TBCK: variants seen among roughly 807,000 people sequenced by gnomAD.
The protein encoded by TBCK is TBC domain-containing protein kinase-like protein.
Under a neutral mutation model 113.4 loss-of-function variants are expected in TBCK, and 99 were observed. The observed-to-expected ratio is 0.87, with a 90% confidence interval of 0.74 to 1.03. The LOEUF is 1.03. Ranked by LOEUF, TBCK falls within the 50% of genes least tolerant of loss-of-function variation. The pLI, the probability that TBCK is intolerant of heterozygous loss-of-function variation, is 0.00. For missense variants in TBCK, 1,045 were observed against 1,061.3 expected, an observed-to-expected ratio of 0.98 and a Z score of 0.21; for synonymous variants, 369 against 370.8, an observed-to-expected ratio of 1.00 and a Z score of 0.05.
rs186785291 is a variant in TBCK at position 106,069,729 on chromosome 4, C to T, written c.2572-23049G>A. ...GATGGCATTGAATCTATAAATTACC[C>T]TGGGCAGTATGGCCATTTTCACGAT... On this transcript the variant is annotated intron_variant, in intron 25 of 25. Transcript: ENST00000394708. Among the ~76,000 whole-genome samples, 10 of 152,220 alleles carry T rather than the reference C, an allele frequency of 6.6e-5. No homozygotes were observed. The East Asian group carries it at 1.5e-3, about 24-fold the overall frequency.
intron 12 of TBCK, among the ~76,000 whole-genome samples, chr4:106,241,147 C>CAT (rs908683661): frequency 2.3e-4 from 35 of 150,370 alleles, no homozygotes; most frequent in African/African-American, 3.9e-4. Flanking sequence ...CTCATACTTA[C>CAT]ATATATATAT....
At chr4:106,145,217 C>T (rs1330473179) in intron 23 of TBCK, among the ~76,000 whole-genome samples, 1 of 151,610 alleles carries the variant, frequency 6.6e-6, no homozygotes, top group Non-Finnish European at 1.5e-5. Flanking sequence ...ACTTGTGAGG[C>T]TGAGGCAGGA....
At position 106,041,847 on chromosome 4, in the gene TBCK, A is replaced by G. The variant is rs1278653293; in HGVS notation, c.*4723T>C. 6.6e-6 allele frequency: 1 copy of G among 152,236 alleles called. No homozygotes were observed. Among genetic ancestry groups the G allele is most frequent in the East Asian group, 1.9e-4 (1 of 5,198 alleles). 9.4% of individuals were successfully genotyped at this position (152,236 alleles called of 1,614,324 possible). ...AGTTTTCATGTTACAAGCACCTATC[A>G]TAAGGCATTAACAGGAAAATTACTC... On this transcript the variant is annotated 3_prime_UTR_variant, in exon 26 of 26. Coordinates refer to ENST00000394708, the MANE Select transcript of TBCK (RefSeq NM_001163435.3).
chr4:106,043,842 T>C lies in TBCK; in HGVS notation c.*2728A>G, dbSNP rs956293068. The C allele has an allele frequency of 6.6e-6, 1 of 152,012 alleles. No homozygotes were observed. Among genetic ancestry groups the C allele is most frequent in the African/African-American group, 2.4e-5 (1 of 41,450 alleles). 9.4% of individuals were successfully genotyped at this position (152,012 alleles called of 1,614,324 possible). On this transcript the variant is annotated 3_prime_UTR_variant, in exon 26 of 26. Coordinates refer to ENST00000394708, the MANE Select transcript of TBCK (RefSeq NM_001163435.3). ...AGTGCTGATAGTCATCGTGTAGGAATCAATAATACATTAAAAAGGAACTCA... is the reference window on the plus strand; with the variant it reads ...AGTGCTGATAGTCATCGTGTAGGAACCAATAATACATTAAAAAGGAACTCA...
intron 25 of TBCK, among the ~76,000 whole-genome samples, chr4:106,054,452 C>G (rs889908242): frequency 4.6e-5 from 7 of 151,666 alleles, no homozygotes; most frequent in Non-Finnish European, 7.4e-5. Flanking sequence ...CCACTAATCA[C>G]TCTACAAAGA....
rs1170120298 is a variant in TBCK, at chr4:106,044,962, G to T, written c.*1608C>A. ...GTTATAGATGAATGAACACTTTTTA[G>T]TTAAAACAAAATTGAAGATAATTAA... On this transcript the variant is annotated 3_prime_UTR_variant, in exon 26 of 26. Coordinates refer to ENST00000394708, the MANE Select transcript of TBCK (RefSeq NM_001163435.3). 1 of 151,484 alleles carries T rather than the reference G, an allele frequency of 6.6e-6. No homozygotes were observed. The highest frequency in any genetic ancestry group is 1.5e-5 in the Non-Finnish European group (1 of 67,912). The allele number at this position is 151,484 out of a possible 1,614,324, so 9.4% of individuals were successfully genotyped here.
chr4:106,208,946 C>T (rs1755833372), intron 20 of TBCK, among the ~76,000 whole-genome samples: 2 of 152,182 alleles, frequency 1.3e-5, no homozygotes, highest in African/African-American at 4.8e-5. Flanking sequence ...ATGCCTGGCT[C>T]AGCCGCAGAG....
At chr4:106,166,828 TTAATACAAAA>T (rs1166712773) in intron 23 of TBCK, among the ~76,000 whole-genome samples, 2 of 151,378 alleles carry the variant, frequency 1.3e-5, no homozygotes, top group Non-Finnish European at 3.0e-5. Context: ...TAATCCCAAA[TTAATACAAAA>T]TAAGCATTTG....
chr4:106,109,018 TACACACACACACAC>T (rs112164356), intron 24 of TBCK, among the ~76,000 whole-genome samples: 3 of 140,518 alleles, frequency 2.1e-5, no homozygotes, highest in Non-Finnish European at 3.2e-5. Flanking sequence ...GACACACACA[TACACACACACACAC>T]ACACACACAC....
At chr4:106,298,055 A>G (rs1014811664) in intron 2 of TBCK, among the ~76,000 whole-genome samples, 5 of 152,092 alleles carry the variant, frequency 3.3e-5, no homozygotes, top group African/African-American at 1.2e-4. Flanking sequence ...CATCCCCCCA[A>G]CATCGATTTG....
At chr4:106,248,767 C>A (rs1490678800) in intron 8 of TBCK, among the ~76,000 whole-genome samples, 154 bp downstream of exon 8, 5 of 152,172 alleles carry the variant, frequency 3.3e-5, no homozygotes, top group African/African-American at 1.2e-4. Context: ...AGACTGCAGC[C>A]CTCACCAGAC....
At chr4:106,191,721 GATTA>G (rs1753690711) in intron 22 of TBCK, among the ~76,000 whole-genome samples, 2 of 152,136 alleles carry the variant, frequency 1.3e-5, no homozygotes, top group African/African-American at 2.4e-5. Flanking sequence ...AAGCAAAACA[GATTA>G]ATTATTTCAT....
At chr4:106,128,972 A>T (rs1482940900) in intron 23 of TBCK, among the ~76,000 whole-genome samples, 1 of 152,224 alleles carries the variant, frequency 6.6e-6, no homozygotes, top group Non-Finnish European at 1.5e-5. Context: ...GGAAAAGAAA[A>T]GGATGTCATG....
chr4:106,124,488 A>G (rs1351914399), intron 23 of TBCK, among the ~76,000 whole-genome samples: 1 of 152,192 alleles, frequency 6.6e-6, no homozygotes, highest in Non-Finnish European at 1.5e-5. Flanking sequence ...TGACCCAGCC[A>G]TCCCATTACT....
chr4:106,259,073 T>C (rs945934837), intron 5 of TBCK, among the ~76,000 whole-genome samples: 2 of 152,080 alleles, frequency 1.3e-5, no homozygotes, highest in African/African-American at 4.8e-5. Flanking sequence ...GAAAGCTATC[T>C]TATTTATTTT....
At chr4:106,242,759 A>T (rs1760309392) in intron 11 of TBCK, among the ~76,000 whole-genome samples, 190 bp from the exon 12 acceptor site, 1 of 151,770 alleles carries the variant, frequency 6.6e-6, no homozygotes, top group Non-Finnish European at 1.5e-5. Context: ...CATGTGCACA[A>T]TGTGCAGGTT....
At position 106,230,456 on chromosome 4, in the gene TBCK, A is replaced by C. The variant is rs768594892; in HGVS notation, c.1691-10T>G. ...CATGCATAAGCCAAGGCTAAAAGAG[A>C]ATAAGGCAAAGGCATGTAAAAAATT... On this transcript the variant is annotated splice_polypyrimidine_tract_variant and intron_variant, in intron 18 of 25. Transcript: ENST00000394708. The C allele has an allele frequency of 6.4e-7, 1 of 1,568,932 alleles. No individual in the cohort carries two copies. The highest frequency in any genetic ancestry group is 8.7e-7 in the Non-Finnish European group (1 of 1,147,850).
intron 10 of TBCK, among the ~76,000 whole-genome samples, chr4:106,246,464 T>C (rs1760824431): frequency 1.3e-5 from 2 of 152,248 alleles, no homozygotes; most frequent in South Asian, 4.1e-4. Context: ...ATGCAGAATA[T>C]AATGATATAT....
intron 20 of TBCK, among the ~76,000 whole-genome samples, chr4:106,209,451 T>G (rs991851225): frequency 4.6e-5 from 7 of 152,152 alleles, no homozygotes; most frequent in Non-Finnish European, 8.8e-5. Context: ...CTTTTTAAAT[T>G]TATGTTTTAT....
Sources: allele counts gnomAD v4.1 joint callset (sites outside exome capture counted in the v4.1 genomes callset), GRCh38; gene constraint gnomAD v4.1.1; transcripts MANE v1.5; gene names NCBI Gene and HGNC (gene_info 2026-07-23, HGNC 2026-07-21).